Variants in RSRC1 observed in about 807,000 individuals in gnomAD.
RSRC1 encodes arginine and serine rich coiled-coil 1, also known as serine/Arginine-related protein 53.
RSRC1 carries 39 observed loss-of-function variants against 49.1 expected under a neutral mutation model. The observed-to-expected ratio is 0.79, with a 90% CI of 0.61 to 1.04. The LOEUF (loss-of-function observed/expected upper bound fraction) is 1.04, where lower values mean the gene tolerates loss of function less well. RSRC1 is among the 50% of genes least tolerant of loss of function. The probability of loss-of-function intolerance (pLI) is 0.00; values close to 1 mark genes in which losing one functional copy is unlikely to be tolerated. For synonymous variants in RSRC1, 143 were observed against 130.8 expected, an observed-to-expected ratio of 1.09 and a Z score of -0.63; for missense variants, 388 against 402.4, an observed-to-expected ratio of 0.96 and a Z score of 0.31.
chr3:158,428,229 G>A (rs893830724), intron 6 of RSRC1, among the ~76,000 whole-genome samples: 1 of 151,744 alleles, frequency 6.6e-6, no homozygotes, highest in South Asian at 2.1e-4. Flanking sequence ...GCCATAGTTA[G>A]CCTACTGATT....
chr3:158,238,397 C>T (rs1723361648), intron 4 of RSRC1, among the ~76,000 whole-genome samples: 1 of 152,068 alleles, frequency 6.6e-6, no homozygotes, highest in African/African-American at 2.4e-5. Flanking sequence ...AAAAAAGAAC[C>T]CGCATCTCCA....
intron 4 of RSRC1, among the ~76,000 whole-genome samples, chr3:158,204,938 G>C (rs1721265476): frequency 6.6e-6 from 1 of 152,128 alleles, no homozygotes; most frequent in Admixed American, 6.6e-5. Flanking sequence ...AGGTTAGATT[G>C]TGTTAAAAAG....
chr3:158,303,039 G>A (rs1727651092), intron 5 of RSRC1: 1 of 152,136 alleles, frequency 6.6e-6, no homozygotes, highest in Non-Finnish European at 1.5e-5. Flanking sequence ...TTGGACTACT[G>A]AATGGGGATT....
intron 5 of RSRC1, among the ~76,000 whole-genome samples, chr3:158,344,681 G>A (rs1249793010): frequency 1.3e-5 from 2 of 152,154 alleles, no homozygotes; most frequent in Non-Finnish European, 2.9e-5. Flanking sequence ...AGAGAATAGA[G>A]AGTGAAGGAA....
At chr3:158,511,645 G>C (rs370089632) in intron 7 of RSRC1, among the ~76,000 whole-genome samples, 1 of 152,118 alleles carries the variant, frequency 6.6e-6, no homozygotes, top group South Asian at 2.1e-4. Flanking sequence ...CCCAGTAATA[G>C]GATGGCTGGG....
chr3:158,445,171 T>A (rs563061680), intron 6 of RSRC1, among the ~76,000 whole-genome samples: 106 of 152,294 alleles, frequency 7.0e-4, no homozygotes, highest in Non-Finnish European at 1.1e-3. Flanking sequence ...CCCAAAGGAA[T>A]ATAAATCATG....
chr3:158,297,839 A>T (rs1369833789), intron 4 of RSRC1, among the ~76,000 whole-genome samples, 200 bp from the exon 5 acceptor site: 5 of 151,984 alleles, frequency 3.3e-5, no homozygotes, highest in African/African-American at 1.2e-4. Context: ...TTTTTAGTGA[A>T]ATACCAATTT....
intron 3 of RSRC1, among the ~76,000 whole-genome samples, chr3:158,194,172 G>A (rs1720409008): frequency 2.0e-5 from 3 of 152,016 alleles, no homozygotes; most frequent in African/African-American, 7.2e-5. Context: ...TACTTGGGAA[G>A]CTGATGCGGG....
At chr3:158,283,894 T>TTA (rs200332011) in intron 4 of RSRC1, among the ~76,000 whole-genome samples, 1 of 142,498 alleles carries the variant, frequency 7.0e-6, no homozygotes, top group Non-Finnish European at 1.5e-5. Context: ...TTTTTTTTTT[T>TTA]ACTATTATTA....
Position 158,312,024 on chromosome 3 carries a change from A to G in RSRC1, c.531+13949A>G, listed in dbSNP as rs573696312. On this transcript the variant is annotated intron_variant, in intron 5 of 9. Coordinates refer to ENST00000611884, the MANE Select transcript of RSRC1 (RefSeq NM_001271838.2). ...AATATCCATGAGAGAAGGAAAAGCA[A>G]GTGGACATGGTAGAAACCCTGGCAA... Among the ~76,000 whole-genome samples the G allele has an allele frequency of 1.4e-4, 21 of 152,234 alleles. 1 individual carries two copies. In the South Asian group the frequency reaches 4.4e-3, roughly 32 times the overall value.
At chr3:158,114,331 T>G (rs1189348774) in intron 1 of RSRC1, among the ~76,000 whole-genome samples, 1 of 152,154 alleles carries the variant, frequency 6.6e-6, no homozygotes, top group African/African-American at 2.4e-5. Context: ...ATTTCTGAGT[T>G]GTCTATTCTG....
At chr3:158,313,273 T>C (rs181941734) in intron 5 of RSRC1, among the ~76,000 whole-genome samples, 61 of 152,336 alleles carry the variant, frequency 4.0e-4, no homozygotes, top group African/African-American at 1.3e-3. Flanking sequence ...AAATATCTTA[T>C]TCATTTTTAT....
At chr3:158,172,497 T>TAG (rs1376282634) in intron 3 of RSRC1, among the ~76,000 whole-genome samples, 1 of 152,318 alleles carries the variant, frequency 6.6e-6, no homozygotes, top group East Asian at 1.9e-4. Context: ...TAACATACTG[T>TAG]GTTGAAACAT....
chr3:158,164,869 A>G (rs1473457458), intron 3 of RSRC1, among the ~76,000 whole-genome samples: 1 of 152,192 alleles, frequency 6.6e-6, no homozygotes, highest in Non-Finnish European at 1.5e-5. Context: ...ATATTAGTCA[A>G]TATTTATAAA....
At chr3:158,449,481 A>G (rs973529254) in intron 6 of RSRC1, among the ~76,000 whole-genome samples, 1 of 151,950 alleles carries the variant, frequency 6.6e-6, no homozygotes, top group African/African-American at 2.4e-5. Flanking sequence ...AGATAAGCAT[A>G]GTGGCTCTCC....
At chr3:158,284,201 G>A (rs1263831565) in intron 4 of RSRC1, among the ~76,000 whole-genome samples, 2 of 151,700 alleles carry the variant, frequency 1.3e-5, no homozygotes, top group African/African-American at 2.4e-5. Context: ...TTTCATCCAT[G>A]TCCCTACAAA....
At chr3:158,123,535 C>T (rs549809020) in intron 2 of RSRC1, among the ~76,000 whole-genome samples, 51 of 151,916 alleles carry the variant, frequency 3.4e-4, no homozygotes, top group Middle Eastern at 3.4e-3. Flanking sequence ...TGGCCTCAAG[C>T]GATCCTCCTG....
At chr3:158,265,283 A>G (rs1725105870) in intron 4 of RSRC1, among the ~76,000 whole-genome samples, 1 of 152,178 alleles carries the variant, frequency 6.6e-6, no homozygotes, top group Non-Finnish European at 1.5e-5. Flanking sequence ...TTCCAGGCAG[A>G]AGTATAAATG....
At chr3:158,368,507 C>G (rs183120443) in intron 6 of RSRC1, among the ~76,000 whole-genome samples, 2 of 152,218 alleles carry the variant, frequency 1.3e-5, no homozygotes, top group African/African-American at 4.8e-5. Flanking sequence ...AGCAGGTTCC[C>G]TTGACCATGG....
Sources: allele counts gnomAD v4.1 joint callset (sites outside exome capture counted in the v4.1 genomes callset), GRCh38; gene constraint gnomAD v4.1.1; transcripts MANE v1.5; gene names NCBI Gene and HGNC (gene_info 2026-07-23, HGNC 2026-07-21).